ZDHHC14: variants seen among roughly 807,000 people sequenced by gnomAD.
ZDHHC14 encodes the protein zDHHC palmitoyltransferase 14.
ZDHHC14 carries 16 observed loss-of-function variants against 47.7 expected under a neutral mutation model. The ratio of observed to expected loss-of-function variants is 0.34; its 90% confidence interval spans 0.23 to 0.51. The LOEUF (loss-of-function observed/expected upper bound fraction) is 0.51, where lower values mean the gene tolerates loss of function less well. Among genes scored for constraint, ZDHHC14 ranks in the 20% least tolerant of loss-of-function variants. The pLI is 0.97. For synonymous variants in ZDHHC14, 293 were observed against 278.9 expected, an observed-to-expected ratio of 1.05 and a Z score of -0.50; for missense variants, 515 against 662.5, an observed-to-expected ratio of 0.78 and a Z score of 2.44.
At chr6:157,398,397 G>A (rs896910908) in intron 1 of ZDHHC14, among the ~76,000 whole-genome samples, 1 of 152,212 alleles carries the variant, frequency 6.6e-6, no homozygotes, top group African/African-American at 2.4e-5. Context: ...CTAATGCCAG[G>A]TGGGGCTGTT....
intron 2 of ZDHHC14, among the ~76,000 whole-genome samples, chr6:157,577,946 T>C (rs1783367882): frequency 1.3e-5 from 2 of 152,272 alleles, no homozygotes; most frequent in Non-Finnish European, 2.9e-5. Context: ...TAATGATTAA[T>C]GCTGTTGAGC....
intron 1 of ZDHHC14, among the ~76,000 whole-genome samples, chr6:157,473,931 C>T (rs906989301): frequency 2.0e-5 from 3 of 151,440 alleles, no homozygotes; most frequent in Non-Finnish European, 4.4e-5. Context: ...GTTTGAAGTG[C>T]TAATGGTCAC....
In ZDHHC14 at chr6:157,522,890, ATCCTTCCT is replaced by A. The variant is rs1170981998; in HGVS notation, c.246-19669_246-19662del. On this transcript the variant is annotated intron_variant, in intron 1 of 8. Coordinates refer to ENST00000359775, the MANE Select transcript of ZDHHC14 (RefSeq NM_024630.3). ...CCTTGCTCCCTCCCATCTTCCTACCATCCTTCCTTCCTTCCTTCCTTCCTTCCTTCCTT... is the reference window on the plus strand; with the variant it reads ...CCTTGCTCCCTCCCATCTTCCTACCATCCTTCCTTCCTTCCTTCCTTCCTT... Among the ~76,000 whole-genome samples the A allele has an allele frequency of 1.1e-3, 27 of 25,708 alleles. 8 individuals are homozygous for A. The highest frequency in any genetic ancestry group is 2.5e-3 in the African/African-American group (8 of 3,164). The allele number at this position is 25,708 out of a possible 152,430, so 16.9% of individuals were successfully genotyped here.
chr6:157,472,528 G>A lies in ZDHHC14; in HGVS notation c.246-70057G>A, dbSNP rs1007540805. Among the ~76,000 whole-genome samples, 9 of 152,052 alleles carry A rather than the reference G, an allele frequency of 5.9e-5. No individual in the cohort carries two copies. The South Asian group carries it at 1.5e-3, about 25-fold the overall frequency. ...GAGTGGAGGCTTGCTTCTGGGAGCG[G>A]GCTGAGAAAACACAATTATGCACTC... On this transcript the variant is annotated intron_variant, in intron 1 of 8. Coordinates refer to ENST00000359775, the MANE Select transcript of ZDHHC14 (RefSeq NM_024630.3).
At chr6:157,600,381 C>A (rs1172200552) in intron 3 of ZDHHC14, among the ~76,000 whole-genome samples, 1 of 152,070 alleles carries the variant, frequency 6.6e-6, no homozygotes, top group African/African-American at 2.4e-5. Flanking sequence ...TATATGTGAT[C>A]ATGATAATAG....
intron 8 of ZDHHC14, among the ~76,000 whole-genome samples, chr6:157,656,721 A>C (rs1488350770): frequency 2.3e-3 from 65 of 28,544 alleles, no homozygotes; most frequent in Middle Eastern, 0.014. Flanking sequence ...AAAAAAAACA[A>C]AAAAAAAAAA....
intron 1 of ZDHHC14, among the ~76,000 whole-genome samples, chr6:157,513,361 T>C (rs1176055699): frequency 6.6e-6 from 1 of 152,230 alleles, no homozygotes; most frequent in Non-Finnish European, 1.5e-5. Context: ...GGTGGTGGCG[T>C]CCACACCTGT....
Position 157,673,417 on chromosome 6 carries a change from C to A in ZDHHC14, c.*295C>A, listed in dbSNP as rs571270080. 4.4e-6 allele frequency: 2 copies of A among 459,516 alleles called. No individual in the cohort carries two copies. The highest frequency in any genetic ancestry group is 7.9e-5 in the East Asian group (2 of 25,182). 28.5% of individuals were successfully genotyped at this position (459,516 alleles called of 1,614,324 possible). ...GGGGTGGAATCGGAGTGTGTCTGCC[C>A]GCCCTTGTGACAGACACACGGAAGG... On this transcript the variant is annotated 3_prime_UTR_variant, in exon 9 of 9. Transcript: ENST00000359775. This position sits in a 1 kb window ranked among gnomAD's most constrained non-coding sequence, Gnocchi z 5.4.
chr6:157,385,060 G>A (rs970835236), intron 1 of ZDHHC14, among the ~76,000 whole-genome samples: 6 of 152,294 alleles, frequency 3.9e-5, no homozygotes, highest in African/African-American at 9.6e-5. Flanking sequence ...GGGATTATAG[G>A]TGTGAGCCAC....
intron 3 of ZDHHC14, among the ~76,000 whole-genome samples, chr6:157,613,299 A>G (rs1784825802): frequency 6.6e-6 from 1 of 152,258 alleles, no homozygotes; most frequent in South Asian, 2.1e-4. Flanking sequence ...CATAAAAGGC[A>G]TGAAACAGTG....
At chr6:157,601,336 T>G (rs1784328917) in intron 3 of ZDHHC14, among the ~76,000 whole-genome samples, 1 of 152,204 alleles carries the variant, frequency 6.6e-6, no homozygotes, top group South Asian at 2.1e-4. Flanking sequence ...CAATATCTTT[T>G]CTAATTAATG....
At chr6:157,520,719 A>C (rs1370994323) in intron 1 of ZDHHC14, among the ~76,000 whole-genome samples, 1 of 152,224 alleles carries the variant, frequency 6.6e-6, no homozygotes, top group Non-Finnish European at 1.5e-5. Context: ...GTAAGTATTG[A>C]GATAACAACC....
chr6:157,645,868 C>A, intron 6 of ZDHHC14, 29 bp downstream of exon 6: 11 of 1,597,584 alleles, frequency 6.9e-6, no homozygotes, highest in Non-Finnish European at 9.4e-6. Flanking sequence ...GGGACACGGG[C>A]GTGTTCTTGG....
intron 2 of ZDHHC14, among the ~76,000 whole-genome samples, chr6:157,567,651 T>C (rs996441461): frequency 1.3e-5 from 2 of 152,160 alleles, no homozygotes; most frequent in African/African-American, 4.8e-5. Context: ...ACCCCATCTC[T>C]GCTAAAAATA....
intron 1 of ZDHHC14, among the ~76,000 whole-genome samples, chr6:157,472,975 A>G (rs749845140): frequency 6.6e-6 from 1 of 152,238 alleles, no homozygotes; most frequent in Non-Finnish European, 1.5e-5. Context: ...TTTGAAAAGC[A>G]AAGATAACAA....
intron 1 of ZDHHC14, among the ~76,000 whole-genome samples, chr6:157,519,305 A>AT (rs1482536497): frequency 6.6e-6 from 1 of 151,118 alleles, no homozygotes; most frequent in Non-Finnish European, 1.5e-5. Flanking sequence ...TTTTATTTTT[A>AT]TTTTTTGCTA....
chr6:157,394,270 G>C (rs759155517), intron 1 of ZDHHC14, among the ~76,000 whole-genome samples: 2 of 152,118 alleles, frequency 1.3e-5, no homozygotes, highest in African/African-American at 4.8e-5. Flanking sequence ...GTCATTTCAC[G>C]GATTCTTTGA....
intron 1 of ZDHHC14, among the ~76,000 whole-genome samples, chr6:157,413,533 AG>A (rs1267243630): frequency 6.6e-6 from 1 of 151,834 alleles, no homozygotes; most frequent in Admixed American, 6.6e-5. Context: ...TCTTTCAGAA[AG>A]ATTTTTTTTT....
At chr6:157,441,326 A>G (rs2114792255) in intron 1 of ZDHHC14, among the ~76,000 whole-genome samples, 1 of 152,362 alleles carries the variant, frequency 6.6e-6, no homozygotes, top group South Asian at 2.1e-4. Context: ...TCCCAGGAAG[A>G]CACCAAACAC....
Sources: gnomAD v4.1 joint callset for allele counts (sites outside exome capture counted in the v4.1 genomes callset) on GRCh38, gnomAD v4.1.1 for gene constraint, Gnocchi (gnomAD v3.1) non-coding constraint, MANE v1.5 for transcripts, NCBI Gene and HGNC (gene_info 2026-07-23, HGNC 2026-07-21) for gene names.